Variants in IGF2 observed in about 807,000 individuals in gnomAD.
The protein encoded by IGF2 is insulin like growth factor 2.
Under a neutral mutation model 12.0 loss-of-function variants are expected in IGF2, and 2 were observed. The observed-to-expected ratio is 0.17, with a 90% CI of 0.07 to 0.52. IGF2 has a LOEUF of 0.52. IGF2 is among the 20% of genes least tolerant of loss of function. The probability of loss-of-function intolerance (pLI) is 0.95; values close to 1 mark genes in which losing one functional copy is unlikely to be tolerated. For synonymous variants in IGF2, 105 were observed against 110.1 expected, an observed-to-expected ratio of 0.95 and a Z score of 0.29; for missense variants, 211 against 268.0, an observed-to-expected ratio of 0.79 and a Z score of 1.48.
chr11:2,147,722 G>A, the IGF2 span: 4 of 1,249,406 alleles, frequency 3.2e-6, no homozygotes, highest in Admixed American at 4.2e-5. This position sits in a 1 kb window ranked among gnomAD's most constrained non-coding sequence, Gnocchi z 7.2. Context: ...TGGGCAGGGG[G>A]CTGAGCTGGC....
At chr11:2,149,227 C>T in the IGF2 span, 130 of 1,613,416 alleles carry the variant, frequency 8.1e-5, no homozygotes, top group African/African-American at 1.2e-3. Flanking sequence ...ACTGCCTGGA[C>T]GATGATCCGC....
chr11:2,146,336 C>T, the IGF2 span: 1 of 535,968 alleles, frequency 1.9e-6, no homozygotes, highest in Non-Finnish European at 3.8e-6. Context: ...CTCAGAGCGC[C>T]CCTCCGTCAC....
At chr11:2,135,227 G>A (rs1231028985) in intron 2 of IGF2, 140 bp downstream of exon 2, 9 of 722,210 alleles carry the variant, frequency 1.2e-5, no homozygotes, top group East Asian at 3.0e-5. Context: ...GCTCAGAAAC[G>A]CGGCGGGAAG....
chr11:2,149,364 C>T, the IGF2 span: 1 of 1,600,964 alleles, frequency 6.2e-7, no homozygotes, highest in Admixed American at 1.7e-5. Context: ...ACGAAGGGCA[C>T]TTTTAGAGTG....
the IGF2 span, chr11:2,149,387 C>T: frequency 2.4e-5 from 37 of 1,533,660 alleles, no homozygotes; most frequent in Non-Finnish European, 2.5e-5. Context: ...CATGTTAATA[C>T]GGCCCCTACA....
chr11:2,140,387 G>A (rs1165400010), upstream of IGF2: 13 of 1,254,726 alleles, frequency 1.0e-5, no homozygotes, highest in East Asian at 2.4e-4. Flanking sequence ...CCAGCCCCCC[G>A]CCGCCTAAGC....
the IGF2 span, chr11:2,148,964 G>A: frequency 4.6e-6 from 3 of 649,468 alleles, no homozygotes; most frequent in African/African-American, 5.5e-5. The surrounding 1 kb of genome is among the most constrained non-coding windows in gnomAD (Gnocchi z 4.3). Context: ...CTGAAGTTGA[G>A]GCTGCTCTCA....
rs1444256384 is a variant in IGF2 at position 2,131,892 on chromosome 11, G to A, written c.*1095C>T. On this transcript the variant is annotated 3_prime_UTR_variant, in exon 4 of 4. Coordinates refer to ENST00000416167, the MANE Select transcript of IGF2 (RefSeq NM_000612.6). ...GTGCGTGTGTGCTGTGCGTTTGTGT[G>A]TGCTGTGCGTTTGTGTGTGTGCTGT... 1 of 185,528 alleles carries A rather than the reference G, an allele frequency of 5.4e-6. No homozygotes were observed. The highest frequency in any genetic ancestry group is 2.5e-5 in the African/African-American group (1 of 39,432). 11.5% of individuals were successfully genotyped at this position (185,528 alleles called of 1,614,324 possible).
Position 2,133,094 on chromosome 11 carries a change from G to A in IGF2, c.436C>T (p.Leu146Phe). 1.9e-6 allele frequency: 3 copies of A among 1,607,976 alleles called. No homozygotes were observed. Among genetic ancestry groups the A allele is most frequent in the Non-Finnish European group, 2.5e-6 (3 of 1,176,842 alleles). The change falls in exon 4 of 4, where the codon CTC becomes TTC. Residue 146 changes from leucine to phenylalanine, a missense_variant. Physicochemically the swap from Leu to Phe is conservative, Grantham distance 22. Around this residue, in one of 3 missense-constraint regions of IGF2, gnomAD observed 141 missense variants for 153.1 expected, o/e 0.92. Transcript: ENST00000416167. This position sits in a 1 kb window ranked among gnomAD's most constrained non-coding sequence, Gnocchi z 8.9. ...CGTTTGGCCTCCCTGAACGCCTCGAGCTCCTTGGCGAGCACGTGACCCCGG... is the reference window on the plus strand; with the variant it reads ...CGTTTGGCCTCCCTGAACGCCTCGAACTCCTTGGCGAGCACGTGACCCCGG... The part of the protein sequence containing the change: ...ARRGHVLAKE[L>F]EAFREAKRHR...
the IGF2 span, chr11:2,149,052 C>G: frequency 1.4e-6 from 2 of 1,401,382 alleles, no homozygotes; most frequent in Non-Finnish European, 2.0e-6. Flanking sequence ...CTGCCCCAAG[C>G]TCCCGGCCCA....
the IGF2 span, chr11:2,146,276 G>T: frequency 3.7e-6 from 2 of 534,730 alleles, no homozygotes; most frequent in African/African-American, 1.9e-5. Context: ...TCCGCCGTCC[G>T]TGGGACCAAG....
At chr11:2,148,732 C>G in the IGF2 span, 1 of 210,772 alleles carries the variant, frequency 4.7e-6, no homozygotes. The surrounding 1 kb of genome is among the most constrained non-coding windows in gnomAD (Gnocchi z 4.3). Flanking sequence ...GGGGATGCAA[C>G]GGGAGGAAAC....
At chr11:2,142,222 C>T (rs112338235), upstream of IGF2, among the ~76,000 whole-genome samples, 1 of 150,936 alleles carries the variant, frequency 6.6e-6, no homozygotes, top group Non-Finnish European at 1.5e-5. This position sits in a 1 kb window ranked among gnomAD's most constrained non-coding sequence, Gnocchi z 5.7. Context: ...AAAAAAAAAC[C>T]TCAATTGTTT....
upstream of IGF2, chr11:2,146,203 C>A: frequency 1.9e-6 from 1 of 522,620 alleles, no homozygotes. Context: ...CCTCGCTCAC[C>A]AGCCCTGAAG....
chr11:2,138,471 G>A lies in IGF2; in HGVS notation c.-249C>T. On this transcript the variant is annotated 5_prime_UTR_variant, in exon 1 of 4. Transcript: ENST00000416167. ...GGGCGGGCCAGATGTTGTACTTTTCGGGGGGGAAAAGGTATCGGGAAATGA... is the reference window on the plus strand; with the variant it reads ...GGGCGGGCCAGATGTTGTACTTTTCAGGGGGGAAAAGGTATCGGGAAATGA... 4.3e-6 allele frequency: 4 copies of A among 933,548 alleles called. No individual in the cohort carries two copies. Among genetic ancestry groups the A allele is most frequent in the Non-Finnish European group, 5.1e-6 (4 of 787,632 alleles). The allele number at this position is 933,548 out of a possible 1,614,324, so 57.8% of individuals were successfully genotyped here.
intron 1 of IGF2, 137 bp downstream of exon 1, chr11:2,138,092 C>T: frequency 5.3e-6 from 2 of 377,832 alleles, no homozygotes; most frequent in Non-Finnish European, 7.3e-6. Flanking sequence ...TCCTCCTCCT[C>T]CTCCCCCCCG....
At chr11:2,145,222 T>C (rs1859844271), upstream of IGF2, among the ~76,000 whole-genome samples, 1 of 152,178 alleles carries the variant, frequency 6.6e-6, no homozygotes, top group South Asian at 2.1e-4. Context: ...GCTGTGCCTA[T>C]AGAAGGGGGA....
intron 2 of IGF2, among the ~76,000 whole-genome samples, chr11:2,135,078 G>A (rs1039224239): frequency 2.0e-5 from 3 of 152,184 alleles, no homozygotes; most frequent in Non-Finnish European, 2.9e-5. Context: ...GGAGCCTCAC[G>A]GCCCCCAACA....
upstream of IGF2, among the ~76,000 whole-genome samples, chr11:2,145,166 C>A (rs976661805): frequency 6.6e-6 from 1 of 152,240 alleles, no homozygotes; most frequent in Non-Finnish European, 1.5e-5. Flanking sequence ...CCCTTCCCAC[C>A]AGCCTTCTGC....
Sources: allele counts gnomAD v4.1 joint callset (sites outside exome capture counted in the v4.1 genomes callset), GRCh38; gene constraint gnomAD v4.1.1; regional missense constraint gnomAD v4.1.1; non-coding constraint Gnocchi (gnomAD v3.1); transcripts MANE v1.5; gene names NCBI Gene and HGNC (gene_info 2026-07-23, HGNC 2026-07-21).